The following CAPN14 variants were observed in gnomAD, a reference collection of about 807,000 sequenced individuals.
CAPN14 encodes the protein calpain 14, also known as calpain-14.
In CAPN14, 94 loss-of-function variants were observed where a neutral mutation model predicts 101.3. The ratio of observed to expected loss-of-function variants is 0.93; its 90% CI spans 0.79 to 1.10. The LOEUF (loss-of-function observed/expected upper bound fraction) is 1.10, where lower values mean the gene tolerates loss of function less well. Among genes scored for constraint, CAPN14 ranks in the 50% least tolerant of loss-of-function variants. CAPN14 has a pLI of 0.00. For synonymous variants in CAPN14, 338 were observed against 317.9 expected (o/e 1.06, Z -0.67); for missense variants, 837 against 828.4 (o/e 1.01, Z -0.13).
chr2:31,229,405 A>AT, intron 1 of CAPN14, among the ~76,000 whole-genome samples: 1 of 152,216 alleles, frequency 6.6e-6, no homozygotes, highest in South Asian at 2.1e-4. Flanking sequence ...CAAGGACCAG[A>AT]TTTTTTTTAA....
chr2:31,218,016 C>G (rs982117678), upstream of CAPN14, among the ~76,000 whole-genome samples: 16 of 152,138 alleles, frequency 1.1e-4, no homozygotes, highest in African/African-American at 3.4e-4. Flanking sequence ...AGGAGGAAAT[C>G]TGTGATTCAT....
chr2:31,210,312 G>T (rs1392709768), intron 1 of CAPN14, among the ~76,000 whole-genome samples: 1 of 152,154 alleles, frequency 6.6e-6, no homozygotes, highest in Admixed American at 6.5e-5. Context: ...GCCGGGCGTG[G>T]TGGCAGGTGC....
intron 1 of CAPN14, among the ~76,000 whole-genome samples, chr2:31,229,354 C>T (rs903704361): frequency 6.6e-6 from 1 of 152,002 alleles, no homozygotes. Context: ...TGTAGTTTGT[C>T]TTGAACCACA....
intron 7 of CAPN14, among the ~76,000 whole-genome samples, chr2:31,198,239 G>A (rs1681568736): frequency 6.6e-6 from 1 of 152,136 alleles, no homozygotes; most frequent in Non-Finnish European, 1.5e-5. Context: ...ATCTACCTGT[G>A]ACCTGGAAGC....
upstream of CAPN14, among the ~76,000 whole-genome samples, chr2:31,221,902 G>T (rs1384118523): frequency 6.6e-6 from 1 of 152,230 alleles, no homozygotes; most frequent in Admixed American, 6.5e-5. Context: ...CTCTAGCACA[G>T]TTGCCAATGT....
In CAPN14 at chr2:31,193,227, A is replaced by G; in HGVS notation, c.1018T>C (p.Leu340=). 1 of 1,551,724 alleles carries G rather than the reference A, an allele frequency of 6.4e-7. No homozygotes were observed. Among genetic ancestry groups the G allele is most frequent in the Non-Finnish European group, 8.7e-7 (1 of 1,147,000 alleles). Residue 340 remains leucine, a synonymous_variant, in exon 10 of 22, where the codon TTG becomes CTG. Coordinates refer to ENST00000403897, the MANE Select transcript of CAPN14 (RefSeq NM_001145122.2). ...LVICKLTPGL[L]SQEAAQKWTY... Reference sequence around the variant, plus strand: ...CACTTCTGGGCCGCCTCCTGGCTCAACAGGCCTGGGGTCAGTTTACAGATA... The same window carrying G: ...CACTTCTGGGCCGCCTCCTGGCTCAGCAGGCCTGGGGTCAGTTTACAGATA...
chr2:31,191,539 G>T (rs905976164), intron 11 of CAPN14, 132 bp from the exon 12 acceptor site: 1 of 819,062 alleles, frequency 1.2e-6, no homozygotes, highest in Admixed American at 2.9e-5. Flanking sequence ...CCCAGAAGCC[G>T]TGTCCCCTCC....
chr2:31,197,007 G>C (rs770767005), intron 8 of CAPN14, among the ~76,000 whole-genome samples: 1 of 152,110 alleles, frequency 6.6e-6, no homozygotes, highest in African/African-American at 2.4e-5. Context: ...AAATTCAAAA[G>C]GTTTAGCACA....
At chr2:31,192,994 C>T (rs746805002) in intron 10 of CAPN14, 137 bp downstream of exon 10, 35 of 869,436 alleles carry the variant, frequency 4.0e-5, no homozygotes, top group Admixed American at 1.5e-4. Context: ...CCCAGGGCCC[C>T]AACACACAGT....
chr2:31,216,821 C>T (rs946157248), intron 1 of CAPN14, among the ~76,000 whole-genome samples: 1 of 152,114 alleles, frequency 6.6e-6, no homozygotes, highest in Non-Finnish European at 1.5e-5. Context: ...AGGGCAATTT[C>T]GAGATTTCTA....
At chr2:31,176,223 G>A (rs7609300) in intron 21 of CAPN14, among the ~76,000 whole-genome samples, 51,479 of 151,846 alleles carry the variant, frequency 0.34, 10,297 homozygotes, top group African/African-American at 0.55. Flanking sequence ...AAAACCCTCA[G>A]CCAACCCACA....
rs1363176231 is a variant in CAPN14, at chr2:31,202,164, A to G, written c.384T>C (p.Thr128=). Residue 128 remains threonine, a synonymous_variant, in exon 4 of 22, where the codon ACT becomes ACC. Transcript: ENST00000403897. ...ACCGGAAGATGCCAGCATACTTCTC[A>G]GTGAAACTCTGATTCAGGGGAACAA... ...SRVVPLNQSF[T]EKYAGIFRFW... The G allele has an allele frequency of 2.6e-6, 4 of 1,551,824 alleles. No individual in the cohort carries two copies. In the African/African-American group the frequency reaches 4.1e-5, roughly 16 times the overall value.
rs1021780781 is a variant in CAPN14 at position 31,183,266 on chromosome 2, A to G, written c.1646-2266T>C. ...AAACCTAGGCAATACCATTCAGGAC[A>G]TAGGCATGGGCAAGGACTTCATGAC... is the stretch of plus-strand genomic sequence containing the variant. On this transcript the variant is annotated intron_variant, in intron 16 of 21. Transcript: ENST00000403897. Among the ~76,000 whole-genome samples, 575 of 152,340 alleles carry G rather than the reference A, an allele frequency of 3.8e-3. 4 individuals are homozygous for G. Among genetic ancestry groups the G allele is most frequent in the African/African-American group, 0.013 (549 of 41,560 alleles).
chr2:31,192,035 G>A lies in CAPN14; in HGVS notation c.1178C>T (p.Ser393Phe), dbSNP rs1242646752. ...CACCAGCACGCTGCAGGGCCTCAGG[G>A]ATCTCCTGCCCTCCTCGGGCCTCCA... Reference protein sequence around the residue: ...SVWRPEEGRRSLRPCSVLVSL... With the variant: ...SVWRPEEGRRFLRPCSVLVSL... The change falls in exon 11 of 22, where the codon TCC becomes TTC. Residue 393 changes from serine to phenylalanine, a missense_variant. By Grantham distance (155) the Ser-to-Phe change is radical. Transcript: ENST00000403897. The A allele has an allele frequency of 9.7e-6, 15 of 1,551,584 alleles. No homozygotes were observed. The African/African-American group carries it at 1.1e-4, about 11-fold the overall frequency.
chr2:31,203,971 T>A (rs1184889713), intron 2 of CAPN14, among the ~76,000 whole-genome samples: 2 of 152,250 alleles, frequency 1.3e-5, no homozygotes, highest in African/African-American at 4.8e-5. Flanking sequence ...GAGTGAAGAA[T>A]ACTTTTGTAA....
chr2:31,188,181 G>C, intron 14 of CAPN14, 137 bp downstream of exon 14: 1 of 767,158 alleles, frequency 1.3e-6, no homozygotes. Flanking sequence ...AGGATACAAC[G>C]GGTAATGTTT....
At chr2:31,200,288 A>G (rs900162698) in intron 6 of CAPN14, among the ~76,000 whole-genome samples, 163 bp downstream of exon 6, 1 of 152,140 alleles carries the variant, frequency 6.6e-6, no homozygotes, top group Non-Finnish European at 1.5e-5. Context: ...TACAGGTGTG[A>G]GCCACCGCAC....
At chr2:31,231,177 T>C (rs1683180964) in intron 1 of CAPN14, among the ~76,000 whole-genome samples, 1 of 152,044 alleles carries the variant, frequency 6.6e-6, no homozygotes, top group Admixed American at 6.5e-5. Context: ...ATCTTCTTTC[T>C]TCTCCTGGAA....
At chr2:31,185,370 T>C (rs891268412) in intron 16 of CAPN14, among the ~76,000 whole-genome samples, 1 of 152,230 alleles carries the variant, frequency 6.6e-6, no homozygotes, top group East Asian at 1.9e-4. Context: ...CATTTTATCA[T>C]TTATCATGGG....
Sources: allele counts gnomAD v4.1 joint callset (sites outside exome capture counted in the v4.1 genomes callset), GRCh38; gene constraint gnomAD v4.1.1; transcripts MANE v1.5; gene names NCBI Gene and HGNC (gene_info 2026-07-23, HGNC 2026-07-21).